Variants in ZNF668 observed in about 807,000 individuals in gnomAD.
ZNF668 encodes zinc finger protein 668.
ZNF668 carries 10 observed loss-of-function variants against 40.3 expected under a neutral mutation model. That is an observed-to-expected ratio of 0.25 (90% confidence interval 0.15 to 0.42). The LOEUF is 0.42. Ranked by LOEUF, ZNF668 falls within the 10% of genes least tolerant of loss-of-function variation. The pLI is 1.00. For missense variants in ZNF668, 749 were observed against 904.6 expected (o/e 0.83, Z 2.21); for synonymous variants, 428 against 384.6 (o/e 1.11, Z -1.32).
chr16:31,069,917 G>A (rs1360205456), intron 1 of ZNF668, among the ~76,000 whole-genome samples: 1 of 151,564 alleles, frequency 6.6e-6, no homozygotes, highest in Non-Finnish European at 1.5e-5. Context: ...TGGGACTACA[G>A]GTGCCCGCCA....
Position 31,068,220 on chromosome 16 carries a change from T to TAAAA in ZNF668, c.-22-3743_-22-3740dup, listed in dbSNP as rs767511878. Among the ~76,000 whole-genome samples the TAAAA allele has an allele frequency of 2.1e-3, 20 of 9,378 alleles. 1 individual carries two copies. Among genetic ancestry groups the TAAAA allele is most frequent in the Non-Finnish European group, 2.6e-3 (12 of 4,640 alleles). 6.2% of individuals were successfully genotyped at this position (9,378 alleles called of 152,430 possible). On this transcript the variant is annotated intron_variant, in intron 1 of 2. Coordinates refer to ENST00000300849, the MANE Select transcript of ZNF668 (RefSeq NM_024706.5). ...AGGTCTCTGTCTAACATCCCACCAT[T>TAAAA]AAAAAAAAAAAAAAAAAAAATATAT...
In ZNF668 at chr16:31,061,630, G is replaced by A. The variant is rs958178789; in HGVS notation, c.1298C>T (p.Ala433Val). Residue 433 changes from alanine (A) to valine (V), a missense_variant, in exon 3 of 3, where the codon GCG (alanine) becomes GTG (valine). Ala to Val is a moderately conservative substitution (Grantham distance 64). Around this residue, in one of 4 missense-constraint regions of ZNF668, gnomAD observed 310 missense variants for 355.1 expected, o/e 0.87. Transcript: ENST00000300849. This position sits in a 1 kb window ranked among gnomAD's most constrained non-coding sequence, Gnocchi z 7.7. The part of the protein sequence containing the change: ...PPAQELVVGL[A>V]LPVGVAGESS... ...CTCACCTGCCACGCCCACAGGCAGC[G>A]CCAACCCCACCACCAGCTCCTGTGC... The A allele has an allele frequency of 5.0e-6, 8 of 1,611,370 alleles. No homozygotes were observed. The highest frequency in any genetic ancestry group is 2.7e-5 in the African/African-American group (2 of 74,928).
In ZNF668 at chr16:31,065,064, G is replaced by C. The variant is rs947583557; in HGVS notation, c.-22-583C>G. 10 of 1,048,096 alleles carry C rather than the reference G, an allele frequency of 9.5e-6. No individual in the cohort carries two copies. The African/African-American group carries it at 1.5e-4, about 16-fold the overall frequency. The allele number at this position is 1,048,096 out of a possible 1,614,324, so 64.9% of individuals were successfully genotyped here. On this transcript the variant is annotated intron_variant, in intron 1 of 2. Transcript: ENST00000300849. The stretch of plus-strand genomic sequence containing the variant: ...GAATTCTGGCCTTGCACAGCTGTAC[G>C]GGCCTCCGCCCCAGACTGGAATCTG...
At chr16:31,073,212 G>A (rs976028808) in intron 1 of ZNF668, 1 of 152,466 alleles carries the variant, frequency 6.6e-6, no homozygotes, top group African/African-American at 2.4e-5. Context: ...AGGATGAGGA[G>A]ATGAACAAAT....
Position 31,062,103 on chromosome 16 carries a change from C to G in ZNF668, c.825G>C (p.Ser275=). The G allele has an allele frequency of 6.2e-7, 1 of 1,613,778 alleles. No individual in the cohort carries two copies. The highest frequency in any genetic ancestry group is 8.5e-7 in the Non-Finnish European group (1 of 1,179,828). Reference sequence around the variant, plus strand: ...GCGGGCACAGGAAGGGCTTCTCCCCCGAGTGCGTGCGCTCGTGGCTCTGGT... The same window carrying G: ...GCGGGCACAGGAAGGGCTTCTCCCCGGAGTGCGTGCGCTCGTGGCTCTGGT... ...SSYQSHERTH[S]GEKPFLCPRC... Residue 275 remains serine (S), a synonymous_variant, in exon 3 of 3, where the codon TCG becomes TCC. Coordinates refer to ENST00000300849, the MANE Select transcript of ZNF668 (RefSeq NM_024706.5).
rs34107331 is a variant in ZNF668, at chr16:31,064,118, G to A, written c.342C>T (p.Cys114=). 2,564 of 1,606,000 alleles carry A rather than the reference G, an allele frequency of 1.6e-3. 33 individuals carry two copies. The African/African-American group carries it at 0.031, about 20-fold the overall frequency. ...GCATGAAGCGGCGGCCGCACTCGGG[G>A]CACGGAAAGGGCTTCTCCCCCGTGT... ...RSHTGEKPFP[C]PECGRRFMQP... Residue 114 remains cysteine, a synonymous_variant, in exon 2 of 3, where the codon TGC becomes TGT. Transcript: ENST00000300849.
chr16:31,064,183 A>C lies in ZNF668; in HGVS notation c.277T>G (p.Tyr93Asp), dbSNP rs1326806817. The C allele has an allele frequency of 1.2e-6, 2 of 1,611,768 alleles. No homozygotes were observed. The highest frequency in any genetic ancestry group is 3.3e-5 in the Admixed American group (2 of 60,006). Residue 93 changes from tyrosine to aspartate, a missense_variant, in exon 2 of 3, where the codon TAC (tyrosine) becomes GAC (aspartate). Physicochemically the swap from Tyr to Asp is radical, Grantham distance 160. Coordinates refer to ENST00000300849, the MANE Select transcript of ZNF668 (RefSeq NM_024706.5). ...PYACPLCPKA[Y>D]KTAPELRSHG... ...CTGCGCAGCTCGGGTGCCGTCTTGT[A>C]GGCCTTGGGGCATAGCGGACACGCA...
chr16:31,067,961 C>T (rs902563258), intron 1 of ZNF668, among the ~76,000 whole-genome samples: 5 of 151,844 alleles, frequency 3.3e-5, no homozygotes, highest in Admixed American at 6.6e-5. Flanking sequence ...AGACCCTGGC[C>T]GGCACCCTTT....
chr16:31,062,109 C>T lies in ZNF668; in HGVS notation c.819G>A (p.Thr273=), dbSNP rs777149824. 12 of 1,613,710 alleles carry T rather than the reference C, an allele frequency of 7.4e-6. No homozygotes were observed. In the South Asian group the frequency reaches 7.7e-5, roughly 10 times the overall value. Residue 273 remains threonine, a synonymous_variant, in exon 3 of 3, where the codon ACG becomes ACA. Transcript: ENST00000300849. ...ACAGGAAGGGCTTCTCCCCCGAGTG[C>T]GTGCGCTCGTGGCTCTGGTAGGAAC... is the stretch of plus-strand genomic sequence containing the variant. ...QLSSYQSHER[T]HSGEKPFLCP...
At chr16:31,067,686 T>C (rs4889533) in intron 1 of ZNF668, among the ~76,000 whole-genome samples, 149,806 of 152,242 alleles carry the variant, frequency 0.98, 73,752 homozygotes, top group East Asian at 1. Flanking sequence ...CTTATACCTT[T>C]CTGAGATAGG....
chr16:31,065,830 G>A (rs2056977392), intron 1 of ZNF668, among the ~76,000 whole-genome samples: 1 of 150,920 alleles, frequency 6.6e-6, no homozygotes, highest in African/African-American at 2.5e-5. Context: ...CTCCAGCCTG[G>A]GCGACAGAGC....
rs1486215814 is a variant in ZNF668, at chr16:31,063,831, T to G, written c.629A>C (p.Asp210Ala). 3.8e-6 allele frequency: 6 copies of G among 1,578,182 alleles called. No homozygotes were observed. The highest frequency in any genetic ancestry group is 5.2e-6 in the Non-Finnish European group (6 of 1,157,396). ...RCGKAYAELK[D>A]LRNHERSHTG... ...CCCTCACCGCTCATGGTTGCGGAGG[T>G]CCTTGAGCTCCGCATAGGCTTTGCC... is the stretch of plus-strand genomic sequence containing the variant. Residue 210 changes from aspartate (D) to alanine (A), a missense_variant, in exon 2 of 3, where the codon GAC becomes GCC. Asp to Ala is a moderately radical substitution (Grantham distance 126). This residue lies in a region of ZNF668 where 151 missense variants were observed against 178.6 expected (regional missense o/e 0.85). Coordinates refer to ENST00000300849, the MANE Select transcript of ZNF668 (RefSeq NM_024706.5).
intron 1 of ZNF668, among the ~76,000 whole-genome samples, chr16:31,069,675 T>G (rs2057001322): frequency 6.6e-6 from 1 of 152,116 alleles, no homozygotes; most frequent in Non-Finnish European, 1.5e-5. Flanking sequence ...TTATTATTAT[T>G]TTTTGACGGA....
intron 1 of ZNF668, among the ~76,000 whole-genome samples, chr16:31,068,316 G>A (rs1210669512): frequency 1.7e-4 from 24 of 144,892 alleles, no homozygotes; most frequent in Admixed American, 4.9e-4. Context: ...GTGCAGTGGC[G>A]CGATCTTGGT....
chr16:31,063,944 G>A lies in ZNF668; in HGVS notation c.516C>T (p.Asp172=). 4.4e-6 allele frequency: 7 copies of A among 1,604,326 alleles called. No homozygotes were observed. The highest frequency in any genetic ancestry group is 1.1e-5 in the South Asian group (1 of 89,786). The change falls in exon 2 of 3, where the codon GAC becomes GAT. Residue 172 remains aspartate, a synonymous_variant. Coordinates refer to ENST00000300849, the MANE Select transcript of ZNF668 (RefSeq NM_024706.5). ...HTGERPYACA[D]CGKSFADPSV... Reference sequence around the variant, plus strand: ...AAGGGTCAGCAAAGCTCTTGCCGCAGTCGGCGCAGGCGTAAGGCCGCTCGC... The same window carrying A: ...AAGGGTCAGCAAAGCTCTTGCCGCAATCGGCGCAGGCGTAAGGCCGCTCGC...
chr16:31,064,784 G>A (rs2143767335), intron 1 of ZNF668: 1 of 1,480,644 alleles, frequency 6.8e-7, no homozygotes, highest in East Asian at 2.5e-5. Context: ...AGAGGCCCAG[G>A]TTCCATCTGT....
rs1567398653 is a variant in ZNF668 at position 31,062,253 on chromosome 16, G to C, written c.675C>G (p.Leu225=). The change falls in exon 3 of 3, where the codon CTC becomes CTG. Residue 225 remains leucine, a synonymous_variant. Transcript: ENST00000300849. Reference sequence around the variant, plus strand: ...AGAAGCTCTTCCCGCACTCGGAGCAGAGGAAGGGGCGCTCGCCGGTGTGGG... The same window carrying C: ...AGAAGCTCTTCCCGCACTCGGAGCACAGGAAGGGGCGCTCGCCGGTGTGGG... ...ERSHTGERPF[L]CSECGKSFSR... The C allele has an allele frequency of 6.2e-7, 1 of 1,609,176 alleles. No homozygotes were observed. Among genetic ancestry groups the C allele is most frequent in the Non-Finnish European group, 8.5e-7 (1 of 1,177,410 alleles).
chr16:31,061,892 C>T lies in ZNF668; in HGVS notation c.1036G>A (p.Val346Met). The T allele has an allele frequency of 6.2e-7, 1 of 1,613,052 alleles. No individual in the cohort carries two copies. Among genetic ancestry groups the T allele is most frequent in the Non-Finnish European group, 8.5e-7 (1 of 1,179,546 alleles). Residue 346 changes from valine to methionine, a missense_variant, in exon 3 of 3, where the codon GTG (valine) becomes ATG (methionine). Val to Met is a conservative substitution (Grantham distance 21). Coordinates refer to ENST00000300849, the MANE Select transcript of ZNF668 (RefSeq NM_024706.5). This position sits in a 1 kb window ranked among gnomAD's most constrained non-coding sequence, Gnocchi z 7.7. ...FKCLQCDKTF[V>M]ASWDLKRHAL... ...TGCCGCTTGAGGTCCCAGGACGCCACGAACGTCTTGTCACATTGCAGGCAC... is the reference window on the plus strand; with the variant it reads ...TGCCGCTTGAGGTCCCAGGACGCCATGAACGTCTTGTCACATTGCAGGCAC...
chr16:31,061,391 G>C lies in ZNF668; in HGVS notation c.1537C>G (p.Pro513Ala). ...EAGGEEADEKPPQFVCRECKE... is the reference protein window; with the variant it reads ...EAGGEEADEKAPQFVCRECKE... The stretch of plus-strand genomic sequence containing the variant: ...CACTCTCGGCACACAAACTGGGGGG[G>C]CTTCTCGTCAGCCTCCTCACCCCCC... The change falls in exon 3 of 3, where the codon CCC becomes GCC. Residue 513 changes from proline (P) to alanine (A), a missense_variant. Pro to Ala is a conservative substitution (Grantham distance 27, BLOSUM62 -1). Around this residue, in one of 4 missense-constraint regions of ZNF668, gnomAD observed 310 missense variants for 355.1 expected, o/e 0.87. Coordinates refer to ENST00000300849, the MANE Select transcript of ZNF668 (RefSeq NM_024706.5). This position sits in a 1 kb window ranked among gnomAD's most constrained non-coding sequence, Gnocchi z 7.7. The C allele has an allele frequency of 6.2e-7, 1 of 1,613,748 alleles. No individual in the cohort carries two copies. The highest frequency in any genetic ancestry group is 8.5e-7 in the Non-Finnish European group (1 of 1,179,870).
Sources: allele counts gnomAD v4.1 joint callset (sites outside exome capture counted in the v4.1 genomes callset), GRCh38; gene constraint gnomAD v4.1.1; regional missense constraint gnomAD v4.1.1; non-coding constraint Gnocchi (gnomAD v3.1); transcripts MANE v1.5; gene names NCBI Gene and HGNC (gene_info 2026-07-23, HGNC 2026-07-21).